The following SLC25A31 variants were observed in gnomAD, a reference collection of about 807,000 sequenced individuals.
SLC25A31 encodes ADP/ATP translocase 4.
SLC25A31 carries 40 observed loss-of-function variants against 36.2 expected under a neutral mutation model. The ratio of observed to expected loss-of-function variants is 1.10; its 90% CI spans 0.86 to 1.44. The LOEUF is 1.44. Among genes scored for constraint, SLC25A31 ranks in the 40% most tolerant of loss-of-function variants. SLC25A31 has a pLI of 0.00. For missense variants in SLC25A31, 350 were observed against 397.1 expected, an observed-to-expected ratio of 0.88 and a Z score of 1.01; for synonymous variants, 143 against 149.7, an observed-to-expected ratio of 0.96 and a Z score of 0.32.
intron 2 of SLC25A31, among the ~76,000 whole-genome samples, chr4:127,749,702 C>A (rs1379116013): frequency 8.9e-6 from 1 of 112,278 alleles, no homozygotes; most frequent in Non-Finnish European, 1.8e-5. Flanking sequence ...GAGTGAGACT[C>A]CATCTCAAAA....
At chr4:127,770,680 A>C (rs1402597249) in intron 5 of SLC25A31, among the ~76,000 whole-genome samples, 1 of 151,896 alleles carries the variant, frequency 6.6e-6, no homozygotes, top group East Asian at 1.9e-4. Flanking sequence ...AAACGGCATG[A>C]TGTCTGCAAC....
At position 127,774,285 on chromosome 4, in the gene SLC25A31, A is replaced by G. The variant is rs1437601385; in HGVS notation, c.*711A>G. 6.6e-6 allele frequency: 1 copy of G among 152,386 alleles called. No homozygotes were observed. Among genetic ancestry groups the G allele is most frequent in the Non-Finnish European group, 1.5e-5 (1 of 68,024 alleles). 9.4% of individuals were successfully genotyped at this position (152,386 alleles called of 1,614,324 possible). A position where few individuals can be genotyped will look rare whatever the true frequency, so the allele number is the denominator to read the frequency against. ...ATTTTGTTGACAATAAAGGAAGCTT[A>G]ACTGTTATAAAGGAGTCTTTTTTTC... On this transcript the variant is annotated 3_prime_UTR_variant, in exon 6 of 6. Coordinates refer to ENST00000281154, the MANE Select transcript of SLC25A31 (RefSeq NM_031291.4).
At chr4:127,762,622 G>T (rs779508801) in intron 2 of SLC25A31, among the ~76,000 whole-genome samples, 4 of 152,074 alleles carry the variant, frequency 2.6e-5, no homozygotes, top group Non-Finnish European at 5.9e-5. Context: ...CTGGCCTCAA[G>T]AAATTTATAG....
At position 127,773,672 on chromosome 4, in the gene SLC25A31, A is replaced by G; in HGVS notation, c.*98A>G. 9.9e-7 allele frequency: 1 copy of G among 1,007,652 alleles called. No individual in the cohort carries two copies. The highest frequency in any genetic ancestry group is 1.4e-6 in the Non-Finnish European group (1 of 725,208). The allele number at this position is 1,007,652 out of a possible 1,614,324, so 62.4% of individuals were successfully genotyped here. On this transcript the variant is annotated 3_prime_UTR_variant, in exon 6 of 6. Coordinates refer to ENST00000281154, the MANE Select transcript of SLC25A31 (RefSeq NM_031291.4). ...ACATTTTGATAGTGTTATTGTCTGTATTTTGTTAAAGTGCTAGTTCTGCAA... is the reference window on the plus strand; with the variant it reads ...ACATTTTGATAGTGTTATTGTCTGTGTTTTGTTAAAGTGCTAGTTCTGCAA...
chr4:127,754,581 G>A (rs1049087651), intron 2 of SLC25A31, among the ~76,000 whole-genome samples: 1 of 150,244 alleles, frequency 6.7e-6, no homozygotes, highest in Non-Finnish European at 1.5e-5. Context: ...TAACCAAGGA[G>A]GTGAAAGATC....
intron 1 of SLC25A31, among the ~76,000 whole-genome samples, chr4:127,740,988 A>G (rs1293964245): frequency 6.6e-6 from 1 of 152,100 alleles, no homozygotes; most frequent in East Asian, 1.9e-4. Context: ...GGTTAAATTT[A>G]TTCCTAATGT....
rs961939781 is a variant in SLC25A31, at chr4:127,730,516, C to G, written c.-30C>G. ...TAGCTCCCGTACTCATTTTTAGCCA[C>G]TGCTGCCGGTTTTTATATCCTTCTC... On this transcript the variant is annotated 5_prime_UTR_variant, in exon 1 of 6. Coordinates refer to ENST00000281154, the MANE Select transcript of SLC25A31 (RefSeq NM_031291.4). The G allele has an allele frequency of 2.5e-6, 4 of 1,602,720 alleles. No individual in the cohort carries two copies. Among genetic ancestry groups the G allele is most frequent in the Admixed American group, 1.7e-5 (1 of 59,790 alleles).
In SLC25A31 at chr4:127,773,829, T is replaced by G; in HGVS notation, c.*255T>G. 1 of 278,854 alleles carries G rather than the reference T, an allele frequency of 3.6e-6. No individual in the cohort carries two copies. Among genetic ancestry groups the G allele is most frequent in the Non-Finnish European group, 6.6e-6 (1 of 152,142 alleles). 17.3% of individuals were successfully genotyped at this position (278,854 alleles called of 1,614,324 possible). On this transcript the variant is annotated 3_prime_UTR_variant, in exon 6 of 6. Coordinates refer to ENST00000281154, the MANE Select transcript of SLC25A31 (RefSeq NM_031291.4). ...AGGTAGTATATTTTAATTTGTTAGT[T>G]TAAAATTCTTTTTATGATTAAAAAT... is the stretch of plus-strand genomic sequence containing the variant.
At chr4:127,769,448 T>C (rs1228773148) in intron 5 of SLC25A31, among the ~76,000 whole-genome samples, 2 of 152,172 alleles carry the variant, frequency 1.3e-5, no homozygotes, top group African/African-American at 4.8e-5. Context: ...TCAAGGGAAA[T>C]GCCCATTGGA....
chr4:127,744,829 TC>T, intron 2 of SLC25A31, 30 bp downstream of exon 2: 1 of 1,348,600 alleles, frequency 7.4e-7, no homozygotes, highest in Non-Finnish European at 1.0e-6. Context: ...ACTTTTTTCT[TC>T]CAATATAGAA....
At chr4:127,744,976 TAGTA>T (rs1290978198) in intron 2 of SLC25A31, among the ~76,000 whole-genome samples, 177 bp downstream of exon 2, 6 of 152,264 alleles carry the variant, frequency 3.9e-5, no homozygotes, top group Non-Finnish European at 7.4e-5. Context: ...TGGGAAAAAA[TAGTA>T]AGTGTTTATT....
At chr4:127,769,680 A>G (rs1461738711) in intron 5 of SLC25A31, among the ~76,000 whole-genome samples, 1 of 152,226 alleles carries the variant, frequency 6.6e-6, no homozygotes, top group East Asian at 1.9e-4. Flanking sequence ...TCTAATATTG[A>G]AGACAGCAGT....
Position 127,744,707 on chromosome 4 carries a change from G to A in SLC25A31, c.268G>A (p.Val90Ile), listed in dbSNP as rs1731792596. The part of the protein sequence containing the change: ...FSFWRGNLAN[V>I]IRYFPTQALN... The stretch of plus-strand genomic sequence containing the variant: ...TTTTTGGCGTGGCAATTTGGCAAAT[G>A]TTATTCGGTATTTTCCAACACAAGC... The change falls in exon 2 of 6, where the codon GTT becomes ATT. Residue 90 changes from valine (V) to isoleucine (I), a missense_variant. Physicochemically the swap from Val to Ile is conservative, Grantham distance 29 (BLOSUM62 3). Transcript: ENST00000281154. 2 of 1,605,016 alleles carry A rather than the reference G, an allele frequency of 1.2e-6. No individual in the cohort carries two copies. Among genetic ancestry groups the A allele is most frequent in the South Asian group, 2.2e-5 (2 of 88,982 alleles).
At chr4:127,743,511 A>T (rs560716407) in intron 1 of SLC25A31, among the ~76,000 whole-genome samples, 2 of 152,198 alleles carry the variant, frequency 1.3e-5, no homozygotes, top group Non-Finnish European at 2.9e-5. Context: ...CATAATAAGC[A>T]TAATTGATTA....
intron 2 of SLC25A31, among the ~76,000 whole-genome samples, chr4:127,759,195 T>C (rs542510033): frequency 4.3e-4 from 65 of 151,876 alleles, no homozygotes; most frequent in South Asian, 1.7e-3. Flanking sequence ...ACCTTCTTGG[T>C]GAAATGTATT....
At chr4:127,742,186 G>T (rs1224279974) in intron 1 of SLC25A31, among the ~76,000 whole-genome samples, 2 of 151,928 alleles carry the variant, frequency 1.3e-5, no homozygotes, top group Non-Finnish European at 2.9e-5. Context: ...AGCTCAATTG[G>T]CCCATGGAAC....
chr4:127,753,694 T>C (rs1393334919), intron 2 of SLC25A31, among the ~76,000 whole-genome samples: 2 of 151,954 alleles, frequency 1.3e-5, no homozygotes, highest in African/African-American at 4.8e-5. Flanking sequence ...AATCAGAAAC[T>C]TCCAAAGAAA....
At chr4:127,734,275 AT>A (rs1578653714) in intron 1 of SLC25A31, among the ~76,000 whole-genome samples, 1 of 151,966 alleles carries the variant, frequency 6.6e-6, no homozygotes, top group Non-Finnish European at 1.5e-5. Context: ...TAAAGAACTG[AT>A]TTTCTGGGTG....
intron 1 of SLC25A31, among the ~76,000 whole-genome samples, chr4:127,742,266 A>G (rs1019892911): frequency 1.3e-5 from 2 of 152,106 alleles, no homozygotes; most frequent in African/African-American, 2.4e-5. Context: ...AGAAACTCGT[A>G]TTTGTCATAT....
Sources: gnomAD v4.1 joint callset for allele counts (sites outside exome capture counted in the v4.1 genomes callset) on GRCh38, gnomAD v4.1.1 for gene constraint, MANE v1.5 for transcripts, NCBI Gene and HGNC (gene_info 2026-07-23, HGNC 2026-07-21) for gene names.